The following KIF2A variants were observed in gnomAD, a reference collection of about 807,000 sequenced individuals.
KIF2A encodes the protein kinesin-like protein KIF2A.
Under a neutral mutation model 100.2 loss-of-function variants are expected in KIF2A, and 22 were observed. The ratio of observed to expected loss-of-function variants is 0.22; its 90% CI spans 0.16 to 0.31. The LOEUF (loss-of-function observed/expected upper bound fraction) is 0.31. KIF2A is among the 10% of genes least tolerant of loss of function. The pLI, the probability that KIF2A is intolerant of heterozygous loss-of-function variation, is 1.00. For synonymous variants in KIF2A, 268 were observed against 285.9 expected, an observed-to-expected ratio of 0.94 and a Z score of 0.63; for missense variants, 495 against 898.7, an observed-to-expected ratio of 0.55 and a Z score of 5.74.
In KIF2A at chr5:62,386,951, C is replaced by G. The variant is rs1742059331; in HGVS notation, c.*1382C>G. On this transcript the variant is annotated 3_prime_UTR_variant, in exon 21 of 21. Coordinates refer to ENST00000407818, the MANE Select transcript of KIF2A (RefSeq NM_001098511.3). The stretch of plus-strand genomic sequence containing the variant: ...AGTAGATTAACAGCTAAAAATCTCC[C>G]AAGGATATCTTGTTTTGATTTATTT... Among the ~76,000 whole-genome samples the G allele has an allele frequency of 6.6e-6, 1 of 152,158 alleles. No individual in the cohort carries two copies. Among genetic ancestry groups the G allele is most frequent in the South Asian group, 2.1e-4 (1 of 4,834 alleles).
chr5:62,324,989 T>C (rs1746291865), intron 1 of KIF2A, among the ~76,000 whole-genome samples: 1 of 152,122 alleles, frequency 6.6e-6, no homozygotes. Flanking sequence ...TAAGAAACAA[T>C]TCAAGCAAAA....
intron 1 of KIF2A, among the ~76,000 whole-genome samples, chr5:62,334,386 G>C (rs1339136252): frequency 6.6e-6 from 1 of 151,952 alleles, no homozygotes; most frequent in African/African-American, 2.4e-5. Flanking sequence ...GCAGTCCTCA[G>C]CTCCATCTTC....
chr5:62,346,377 C>A lies in KIF2A; in HGVS notation c.65-753C>A, dbSNP rs570535657. Among the ~76,000 whole-genome samples, 16 of 152,204 alleles carry A rather than the reference C, an allele frequency of 1.1e-4. No individual in the cohort carries two copies. In the South Asian group the frequency reaches 2.5e-3, roughly 24 times the overall value. On this transcript the variant is annotated intron_variant, in intron 1 of 20. Coordinates refer to ENST00000407818, the MANE Select transcript of KIF2A (RefSeq NM_001098511.3). ...ACATTTCTTAATTTTAAAATTTTAT[C>A]AATTTGCATCGTATATGGTAAAAAG...
chr5:62,311,774 G>C (rs1364483577), intron 1 of KIF2A: 1 of 152,326 alleles, frequency 6.6e-6, no homozygotes, highest in Non-Finnish European at 1.5e-5. Flanking sequence ...CCTTTTCCCT[G>C]AGGACTAGGA....
At chr5:62,385,136 C>G (rs1741959488) in intron 20 of KIF2A, among the ~76,000 whole-genome samples, 1 of 150,836 alleles carries the variant, frequency 6.6e-6, no homozygotes, top group African/African-American at 2.4e-5. Context: ...AGTGAGGACT[C>G]CATCTCAAAA....
chr5:62,390,194 G>A lies in KIF2A; in HGVS notation c.*4625G>A, dbSNP rs986800037. 1.3e-5 allele frequency among the ~76,000 whole-genome samples: 2 copies of A among 152,184 alleles called. No individual in the cohort carries two copies. Among genetic ancestry groups the A allele is most frequent in the African/African-American group, 4.8e-5 (2 of 41,434 alleles). ...GCTAAATAGGCAAGACCTTCTGAAAGTTAACATCTTAATGATTAAAAACAG... is the reference window on the plus strand; with the variant it reads ...GCTAAATAGGCAAGACCTTCTGAAAATTAACATCTTAATGATTAAAAACAG... On this transcript the variant is annotated 3_prime_UTR_variant, in exon 21 of 21. Coordinates refer to ENST00000407818, the MANE Select transcript of KIF2A (RefSeq NM_001098511.3).
At chr5:62,381,943 AC>A (rs1274334797) in intron 20 of KIF2A, among the ~76,000 whole-genome samples, 1 of 152,168 alleles carries the variant, frequency 6.6e-6, no homozygotes, top group Non-Finnish European at 1.5e-5. Flanking sequence ...CATGTGCCTT[AC>A]CTACTAAGTC....
chr5:62,327,580 G>A (rs560201903), intron 1 of KIF2A, among the ~76,000 whole-genome samples: 163 of 152,212 alleles, frequency 1.1e-3, no homozygotes, highest in African/African-American at 3.2e-3. Flanking sequence ...AACTTCATAC[G>A]TACAAAACCA....
chr5:62,388,100 T>C lies in KIF2A; in HGVS notation c.*2531T>C, dbSNP rs149107975. ...ATGACATCTATTGAAATTCTCAGTC[T>C]GACAGTTTTAAAATAGCTTAAAACT... On this transcript the variant is annotated 3_prime_UTR_variant, in exon 21 of 21. Coordinates refer to ENST00000407818, the MANE Select transcript of KIF2A (RefSeq NM_001098511.3). 34 of 152,304 alleles carry C rather than the reference T, an allele frequency of 2.2e-4. No homozygotes were observed. The East Asian group carries it at 5.2e-3, about 23-fold the overall frequency. The allele number at this position is 152,304 out of a possible 1,614,324, so 9.4% of individuals were successfully genotyped here.
chr5:62,353,777 A>T (rs1355373913), intron 6 of KIF2A, among the ~76,000 whole-genome samples: 2 of 152,166 alleles, frequency 1.3e-5, no homozygotes, highest in African/African-American at 4.8e-5. Context: ...GTAAGTTCAC[A>T]TGTCTTAGTG....
chr5:62,357,378 C>T (rs1748170429), intron 7 of KIF2A, among the ~76,000 whole-genome samples: 1 of 152,138 alleles, frequency 6.6e-6, no homozygotes, highest in Admixed American at 6.6e-5. Context: ...GCCATCATGC[C>T]CGGCCTCCTC....
At chr5:62,325,651 T>A (rs984342964) in intron 1 of KIF2A, among the ~76,000 whole-genome samples, 1 of 152,172 alleles carries the variant, frequency 6.6e-6, no homozygotes, top group African/African-American at 2.4e-5. Flanking sequence ...TAACAGATGT[T>A]GGCCAGGTTG....
chr5:62,359,626 A>T (rs569454781), intron 9 of KIF2A, among the ~76,000 whole-genome samples: 2 of 152,102 alleles, frequency 1.3e-5, no homozygotes, highest in Non-Finnish European at 2.9e-5. Flanking sequence ...CTCATAAAAT[A>T]TAAGTTTGAC....
At chr5:62,362,298 T>G (rs1313608360) in intron 11 of KIF2A, 152 bp from the exon 12 acceptor site, 1 of 337,390 alleles carries the variant, frequency 3.0e-6, no homozygotes, top group African/African-American at 2.2e-5. Flanking sequence ...TAATACTATT[T>G]TTTGTAAAAT....
At chr5:62,345,950 G>A (rs1350956036) in intron 1 of KIF2A, among the ~76,000 whole-genome samples, 2 of 151,962 alleles carry the variant, frequency 1.3e-5, no homozygotes, top group Non-Finnish European at 2.9e-5. Context: ...TTTTATATAT[G>A]TATATATTCT....
At chr5:62,320,088 T>C (rs1746026240) in intron 1 of KIF2A, among the ~76,000 whole-genome samples, 1 of 152,172 alleles carries the variant, frequency 6.6e-6, no homozygotes, top group Non-Finnish European at 1.5e-5. Flanking sequence ...ATATATACCT[T>C]TTTCCTACAG....
chr5:62,343,509 G>T (rs1198014780), intron 1 of KIF2A, among the ~76,000 whole-genome samples: 1 of 152,192 alleles, frequency 6.6e-6, no homozygotes, highest in Non-Finnish European at 1.5e-5. Context: ...GTCAGATCAT[G>T]TAGGGCTTTG....
chr5:62,378,775 G>A (rs1275858342), intron 19 of KIF2A, among the ~76,000 whole-genome samples: 1 of 151,968 alleles, frequency 6.6e-6, no homozygotes, highest in Non-Finnish European at 1.5e-5. Flanking sequence ...AAAATTAGCT[G>A]GGTGAGGTAT....
intron 1 of KIF2A, among the ~76,000 whole-genome samples, chr5:62,307,897 C>T (rs370699948): frequency 3.3e-5 from 5 of 152,242 alleles, no homozygotes; most frequent in African/African-American, 1.2e-4. Flanking sequence ...GGATTACAGG[C>T]GTGAGCCATC....
Sources: gnomAD v4.1 joint callset for allele counts (sites outside exome capture counted in the v4.1 genomes callset) on GRCh38, gnomAD v4.1.1 for gene constraint, MANE v1.5 for transcripts, NCBI Gene and HGNC (gene_info 2026-07-23, HGNC 2026-07-21) for gene names.